Variants in COL21A1 observed in about 807,000 individuals in gnomAD.
The protein encoded by COL21A1 is collagen alpha-1(XXI) chain.
In COL21A1, 149 loss-of-function variants were observed where a neutral mutation model predicts 137.9. The observed-to-expected ratio is 1.08, with a 90% CI of 0.95 to 1.24. The LOEUF is 1.24. COL21A1 is among the 50% of genes most tolerant of loss of function. The probability of loss-of-function intolerance (pLI) is 0.00; values close to 1 mark genes in which losing one functional copy is unlikely to be tolerated. For missense variants in COL21A1, 1,167 were observed against 1,158.4 expected, an observed-to-expected ratio of 1.01 and a Z score of -0.11; for synonymous variants, 456 against 391.5, an observed-to-expected ratio of 1.16 and a Z score of -1.95.
At chr6:56,127,057 C>T (rs1434442132) in intron 12 of COL21A1, among the ~76,000 whole-genome samples, 1 of 152,176 alleles carries the variant, frequency 6.6e-6, no homozygotes, top group South Asian at 2.1e-4. Context: ...GTTCAAATCA[C>T]CAAACCATTG....
intron 23 of COL21A1, among the ~76,000 whole-genome samples, chr6:56,065,532 T>C (rs1766165621): frequency 6.6e-6 from 1 of 151,930 alleles, no homozygotes; most frequent in South Asian, 2.1e-4. Flanking sequence ...GGTTGGATAT[T>C]ATTGGAACTT....
chr6:56,226,070 TAG>T (rs1781168299), intron 1 of COL21A1, among the ~76,000 whole-genome samples: 1 of 152,086 alleles, frequency 6.6e-6, no homozygotes, highest in Admixed American at 6.6e-5. Flanking sequence ...AGAGTACAAA[TAG>T]TACATAGAAT....
chr6:56,234,403 G>A (rs987746401), intron 1 of COL21A1, among the ~76,000 whole-genome samples: 46 of 151,798 alleles, frequency 3.0e-4, no homozygotes, highest in African/African-American at 1.1e-3. Flanking sequence ...ATTTATATAA[G>A]ATGCACTTCC....
intron 1 of COL21A1, among the ~76,000 whole-genome samples, chr6:56,298,105 T>TAAAA (rs111713033): frequency 1.4e-5 from 2 of 142,862 alleles, no homozygotes; most frequent in Non-Finnish European, 1.5e-5. Flanking sequence ...GATGCTAAAT[T>TAAAA]AAAAAAAAAA....
At chr6:56,139,724 C>T (rs1272763644) in intron 12 of COL21A1, among the ~76,000 whole-genome samples, 1 of 152,092 alleles carries the variant, frequency 6.6e-6, no homozygotes, top group African/African-American at 2.4e-5. Flanking sequence ...GACTCTATAA[C>T]AGAAATCACT....
chr6:56,086,855 C>T (rs1768301782), intron 17 of COL21A1, among the ~76,000 whole-genome samples: 1 of 152,160 alleles, frequency 6.6e-6, no homozygotes, highest in Non-Finnish European at 1.5e-5. Context: ...CAAAAGCAGT[C>T]TTAAATAATC....
chr6:56,347,584 C>T (rs1465983721), intron 1 of COL21A1, among the ~76,000 whole-genome samples: 1 of 148,458 alleles, frequency 6.7e-6, no homozygotes, highest in African/African-American at 2.5e-5. Flanking sequence ...ATAATTGAAT[C>T]AGAGTCTCTA....
Position 56,150,560 on chromosome 6 carries a change from ACACAC to A in COL21A1, c.1434+6322_1434+6326del, listed in dbSNP as rs1561920310. On this transcript the variant is annotated intron_variant, in intron 10 of 29. Transcript: ENST00000244728. ...CACACACACACACACACACACACACACACACAAGAGTGGGGGGAACTGAATCACGA... is the reference window on the plus strand; with the variant it reads ...CACACACACACACACACACACACACAAAGAGTGGGGGGAACTGAATCACGA... Among the ~76,000 whole-genome samples the A allele has an allele frequency of 3.8e-3, 549 of 146,112 alleles. 12 individuals are homozygous for A. The highest frequency in any genetic ancestry group is 8.5e-3 in the African/African-American group (319 of 37,426).
At chr6:56,378,084 T>G (rs2094002770) in intron 1 of COL21A1, among the ~76,000 whole-genome samples, 1 of 152,104 alleles carries the variant, frequency 6.6e-6, no homozygotes, top group South Asian at 2.1e-4. Flanking sequence ...AGGTACTACG[T>G]GGAGGGCCAT....
At chr6:56,183,598 G>C (rs1371992501) in intron 1 of COL21A1, among the ~76,000 whole-genome samples, 1 of 152,156 alleles carries the variant, frequency 6.6e-6, no homozygotes, top group East Asian at 1.9e-4. Flanking sequence ...ACAGCCTAGA[G>C]AGAGTCTGTC....
chr6:56,198,999 TG>T (rs1185813379), intron 1 of COL21A1, among the ~76,000 whole-genome samples: 2 of 152,176 alleles, frequency 1.3e-5, no homozygotes, highest in East Asian at 3.9e-4. Flanking sequence ...TCAGAGATCC[TG>T]GACATAGACA....
chr6:56,210,117 G>T (rs891279434), intron 1 of COL21A1, among the ~76,000 whole-genome samples: 8 of 151,924 alleles, frequency 5.3e-5, no homozygotes, highest in African/African-American at 1.9e-4. Context: ...GTGGTGGGGG[G>T]CTGGGGGAGG....
At chr6:56,150,526 A>T (rs914774413) in intron 10 of COL21A1, among the ~76,000 whole-genome samples, 1 of 146,126 alleles carries the variant, frequency 6.8e-6, no homozygotes. Flanking sequence ...ACACACACAC[A>T]CACACACACA....
chr6:56,303,077 C>T (rs1194417881), intron 1 of COL21A1, among the ~76,000 whole-genome samples: 1 of 152,168 alleles, frequency 6.6e-6, no homozygotes, highest in African/African-American at 2.4e-5. Context: ...GTGTTCTCTT[C>T]CATTGGTCTA....
At chr6:56,188,746 G>A (rs1457738907) in intron 1 of COL21A1, among the ~76,000 whole-genome samples, 1 of 152,202 alleles carries the variant, frequency 6.6e-6, no homozygotes, top group Admixed American at 6.5e-5. Context: ...CATCTGGCAG[G>A]TGCCCCTCTG....
chr6:56,377,221 C>A (rs948442312), intron 1 of COL21A1, among the ~76,000 whole-genome samples: 8 of 152,192 alleles, frequency 5.3e-5, no homozygotes, highest in Middle Eastern at 3.4e-3. Flanking sequence ...AAACTCCTGA[C>A]CTTGTGATCC....
chr6:56,071,439 G>T lies in COL21A1; in HGVS notation c.1966-641C>A, dbSNP rs970585028. On this transcript the variant is annotated intron_variant, in intron 20 of 29. Transcript: ENST00000244728. ...GGAGAGATTGTCAAATGTAGTTCTG[G>T]TTTTCAAATACTTTGATACCTGATA... 2.6e-5 allele frequency among the ~76,000 whole-genome samples: 4 copies of T among 151,518 alleles called. No individual in the cohort carries two copies. In the Admixed American group the frequency reaches 2.6e-4, roughly 10 times the overall value.
intron 1 of COL21A1, among the ~76,000 whole-genome samples, chr6:56,234,562 T>C (rs1013004613): frequency 6.6e-6 from 1 of 151,880 alleles, no homozygotes; most frequent in Non-Finnish European, 1.5e-5. Context: ...TCATAATCAA[T>C]ACAAAAGGCA....
chr6:56,380,321 C>T (rs1008770), intron 1 of COL21A1, among the ~76,000 whole-genome samples: 35,870 of 152,120 alleles, frequency 0.24, 5,524 homozygotes, highest in East Asian at 0.63. Context: ...CCAAATAAAC[C>T]GCTTTTCTTT....
Sources: gnomAD v4.1 joint callset for allele counts (sites outside exome capture counted in the v4.1 genomes callset) on GRCh38, gnomAD v4.1.1 for gene constraint, MANE v1.5 for transcripts, NCBI Gene and HGNC (gene_info 2026-07-23, HGNC 2026-07-21) for gene names.